The following AP1G2 variants were observed in gnomAD, a reference collection of about 807,000 sequenced individuals.
The protein encoded by AP1G2 is adaptor related protein complex 1 subunit gamma 2, also known as AP-1 complex subunit gamma-like 2.
Under a neutral mutation model 95.8 loss-of-function variants are expected in AP1G2, and 85 were observed. That is an observed-to-expected ratio of 0.89 (90% CI 0.74 to 1.06). AP1G2 has a LOEUF of 1.06. AP1G2 is among the 50% of genes least tolerant of loss of function. The pLI is 0.00. For synonymous variants in AP1G2, 378 were observed against 400.0 expected, an observed-to-expected ratio of 0.94 and a Z score of 0.66; for missense variants, 967 against 1,005.8, an observed-to-expected ratio of 0.96 and a Z score of 0.52.
Position 23,563,200 on chromosome 14 carries a change from C to T in AP1G2, c.1410+180G>A, listed in dbSNP as rs570455445. The T allele has an allele frequency of 4.9e-6, 7 of 1,440,142 alleles. No individual in the cohort carries two copies. The South Asian group carries it at 8.9e-5, about 18-fold the overall frequency. 89.2% of individuals were successfully genotyped at this position (1,440,142 alleles called of 1,614,324 possible). ...CTGTAGTTACATAACCAGGAGGTAC[C>T]AGAGTCAGGACAAAAGCCCAGATGT... is the stretch of plus-strand genomic sequence containing the variant. On this transcript the variant is annotated intron_variant, in intron 14 of 21. Transcript: ENST00000397120.
intron 14 of AP1G2, chr14:23,562,912 TG>T: frequency 1.8e-6 from 1 of 552,518 alleles, no homozygotes; most frequent in Non-Finnish European, 2.8e-6. Context: ...CACTGCCCTC[TG>T]GTGGCCAAGC....
At position 23,562,494 on chromosome 14, in the gene AP1G2, G is replaced by A; in HGVS notation, c.1500+10C>T. ...AGTCCCTCCTCAGTGTACCCCCAAT[G>A]AGGTCTCACCTGAAGGGGCTCAATC... On this transcript the variant is annotated intron_variant, in intron 15 of 21. Transcript: ENST00000397120. 1 of 1,614,160 alleles carries A rather than the reference G, an allele frequency of 6.2e-7. No homozygotes were observed. The highest frequency in any genetic ancestry group is 1.6e-4 in the Middle Eastern group (1 of 6,062).
At chr14:23,566,747 T>A in intron 2 of AP1G2, 61 bp from the exon 3 acceptor site, 1 of 1,590,098 alleles carries the variant, frequency 6.3e-7, no homozygotes, top group South Asian at 1.1e-5. Context: ...CTCACATCCC[T>A]GTTCCATCTT....
Position 23,564,618 on chromosome 14 carries a change from C to T in AP1G2, c.865G>A (p.Val289Ile). The change falls in exon 9 of 22, where the codon GTC (valine) becomes ATC (isoleucine). Residue 289 changes from valine to isoleucine, a missense_variant. Val to Ile is a conservative substitution (Grantham distance 29). Transcript: ENST00000397120. ...TDTSRNAGNA[V>I]LFETVLTIMD... ...ATGGTGAGTACTGTCTCAAACAGGA[C>T]CGCATTTCCGGCATTTCGGCTGGTG... 6.2e-7 allele frequency: 1 copy of T among 1,613,756 alleles called. No homozygotes were observed. Among genetic ancestry groups the T allele is most frequent in the Non-Finnish European group, 8.5e-7 (1 of 1,180,010 alleles).
rs1300745017 is a variant in AP1G2 at position 23,560,310 on chromosome 14, G to A, written c.2102C>T (p.Thr701Ile). Residue 701 changes from threonine to isoleucine, a missense_variant, in exon 20 of 22, where the codon ACC (threonine) becomes ATC (isoleucine). Physicochemically the swap from Thr to Ile is moderately conservative, Grantham distance 89 (BLOSUM62 -1). Coordinates refer to ENST00000397120, the MANE Select transcript of AP1G2 (RefSeq NM_003917.5). ...PALLLITITATNFSEGDVTHF... is the reference protein window; with the variant it reads ...PALLLITITAINFSEGDVTHF... ...GGTGACATCACCCTCTGAGAAGTTG[G>A]TGGCAGTGATGGTGATTAACAGCAA... is the stretch of plus-strand genomic sequence containing the variant. 1 of 1,614,086 alleles carries A rather than the reference G, an allele frequency of 6.2e-7. No individual in the cohort carries two copies. Among genetic ancestry groups the A allele is most frequent in the South Asian group, 1.1e-5 (1 of 91,076 alleles).
chr14:23,567,602 A>AC lies in AP1G2; in HGVS notation c.-6+136dup, dbSNP rs1408310965. The AC allele has an allele frequency of 8.2e-7, 1 of 1,212,230 alleles. No homozygotes were observed. Among genetic ancestry groups the AC allele is most frequent in the East Asian group, 4.0e-5 (1 of 25,082 alleles). The allele number at this position is 1,212,230 out of a possible 1,614,324, so 75.1% of individuals were successfully genotyped here. On this transcript the variant is annotated intron_variant, in intron 1 of 21. Transcript: ENST00000397120. This position sits in a 1 kb window ranked among gnomAD's most constrained non-coding sequence, Gnocchi z 5.3. ...CTACCGTTTCCTCCCCCTACCTGGT[A>AC]CCCCATCCCTAGCTCAGCCATTGCT...
At chr14:23,563,358 C>A in intron 14 of AP1G2, 22 bp downstream of exon 14, 1 of 1,569,344 alleles carries the variant, frequency 6.4e-7, no homozygotes, top group Non-Finnish European at 8.6e-7. Flanking sequence ...CAGCCCTGGG[C>A]CTAGGTAGGT....
rs1308532889 is a variant in AP1G2 at position 23,565,816 on chromosome 14, C to G, written c.645G>C (p.Lys215Asn). The change falls in exon 6 of 22, where the codon AAG becomes AAC. Residue 215 changes from lysine (K) to asparagine (N), a missense_variant and splice_region_variant. Coordinates refer to ENST00000397120, the MANE Select transcript of AP1G2 (RefSeq NM_003917.5). Reference sequence around the variant, plus strand: ...AGGGCCTGCCCCTTCACCAGCCCACCTTTCGGAAGTGCCTGAGGGCTGCAG... The same window carrying G: ...AGGGCCTGCCCCTTCACCAGCCCACGTTTCGGAAGTGCCTGAGGGCTGCAG... ...RSPAALRHFR[K>N]VVPQLVHILR... 1 of 1,583,570 alleles carries G rather than the reference C, an allele frequency of 6.3e-7. No individual in the cohort carries two copies. Among genetic ancestry groups the G allele is most frequent in the Non-Finnish European group, 8.6e-7 (1 of 1,164,214 alleles).
intron 19 of AP1G2, 148 bp downstream of exon 19, chr14:23,561,148 C>G: frequency 7.2e-7 from 1 of 1,393,950 alleles, no homozygotes; most frequent in Non-Finnish European, 9.3e-7. Context: ...CCATGATTGA[C>G]TTCATTCTTT....
At position 23,562,059 on chromosome 14, in the gene AP1G2, G is replaced by A. The variant is rs148282907; in HGVS notation, c.1636C>T (p.Arg546Cys). 2.1e-4 allele frequency: 336 copies of A among 1,613,326 alleles called. 3 individuals are homozygous for A. In the East Asian group the frequency reaches 6.1e-3, roughly 29 times the overall value. ...CTCCCGTAGATGGACACCACCTGGC[G>A]GATGCGGCTGGGCCAGTGTAGTATG... ...TRLCGDNNRI[R>C]QVVSIYGSCL... Residue 546 changes from arginine (R) to cysteine (C), a missense_variant, in exon 17 of 22, where the codon CGC becomes TGC. By Grantham distance (180) the Arg-to-Cys change is radical. Transcript: ENST00000397120.
chr14:23,564,894 C>G, intron 8 of AP1G2: 1 of 632,362 alleles, frequency 1.6e-6, no homozygotes, highest in Non-Finnish European at 2.8e-6. Flanking sequence ...CATCCTTCAA[C>G]CATCCAACAA....
chr14:23,560,429 G>A lies in AP1G2; in HGVS notation c.1994-11C>T. 6.2e-7 allele frequency: 1 copy of A among 1,609,902 alleles called. No individual in the cohort carries two copies. The highest frequency in any genetic ancestry group is 8.5e-7 in the Non-Finnish European group (1 of 1,177,220). On this transcript the variant is annotated splice_polypyrimidine_tract_variant and intron_variant, in intron 19 of 21. Coordinates refer to ENST00000397120, the MANE Select transcript of AP1G2 (RefSeq NM_003917.5). ...GATCTGGGATGGGAGCTGGAGTAGG[G>A]AGACAGAAGCAGCTCAGTGTGCAGG...
chr14:23,564,504 AC>A, intron 9 of AP1G2, 57 bp downstream of exon 9: 4 of 1,601,714 alleles, frequency 2.5e-6, no homozygotes, highest in Non-Finnish European at 3.4e-6. Context: ...AGCAAGCAGG[AC>A]CTGTGTGGGT....
chr14:23,564,667 G>C lies in AP1G2; in HGVS notation c.823-7C>G. Reference sequence around the variant, plus strand: ...TGTCCGTGTTAGTGGCCACCTGAGTGGATGAGAGAGGAGATGTATCTGCTC... The same window carrying C: ...TGTCCGTGTTAGTGGCCACCTGAGTCGATGAGAGAGGAGATGTATCTGCTC... On this transcript the variant is annotated splice_region_variant and splice_polypyrimidine_tract_variant and intron_variant, in intron 8 of 21. Coordinates refer to ENST00000397120, the MANE Select transcript of AP1G2 (RefSeq NM_003917.5). 1 of 1,613,096 alleles carries C rather than the reference G, an allele frequency of 6.2e-7. No individual in the cohort carries two copies. Among genetic ancestry groups the C allele is most frequent in the Non-Finnish European group, 8.5e-7 (1 of 1,179,512 alleles).
In AP1G2 at chr14:23,562,418, T is replaced by C. The variant is rs912172140; in HGVS notation, c.1501-3A>G. The C allele has an allele frequency of 8.1e-6, 13 of 1,614,042 alleles. No individual in the cohort carries two copies. Among genetic ancestry groups the C allele is most frequent in the Non-Finnish European group, 1.1e-5 (13 of 1,180,014 alleles). ...GCCAGCACTTCCTCTTCGTCCACCT[T>C]CAGACATGGATACAGTTAGTGGCCC... On this transcript the variant is annotated splice_region_variant and splice_polypyrimidine_tract_variant and intron_variant, in intron 15 of 21. Coordinates refer to ENST00000397120, the MANE Select transcript of AP1G2 (RefSeq NM_003917.5).
Position 23,565,711 on chromosome 14 carries a change from G to A in AP1G2, c.646-10C>T, listed in dbSNP as rs754641021. 5.0e-6 allele frequency: 8 copies of A among 1,612,902 alleles called. No individual in the cohort carries two copies. Among genetic ancestry groups the A allele is most frequent in the South Asian group, 1.1e-5 (1 of 91,052 alleles). The stretch of plus-strand genomic sequence containing the variant: ...CCAGCTGGGGTACCACCTGGAGGGA[G>A]GGCACAACTTTGGGCATTCGTTCTA... On this transcript the variant is annotated splice_polypyrimidine_tract_variant and intron_variant, in intron 6 of 21. Coordinates refer to ENST00000397120, the MANE Select transcript of AP1G2 (RefSeq NM_003917.5).
chr14:23,563,358 C>G, intron 14 of AP1G2, 22 bp downstream of exon 14: 1 of 1,569,344 alleles, frequency 6.4e-7, no homozygotes, highest in Non-Finnish European at 8.6e-7. Context: ...CAGCCCTGGG[C>G]CTAGGTAGGT....
chr14:23,564,606 T>A lies in AP1G2; in HGVS notation c.877A>T (p.Thr293Ser), dbSNP rs1352872530. Residue 293 changes from threonine to serine, a missense_variant, in exon 9 of 22, where the codon ACA becomes TCA. Transcript: ENST00000397120. ...RNAGNAVLFE[T>S]VLTIMDIRSA... The stretch of plus-strand genomic sequence containing the variant: ...CGGATATCCATGATGGTGAGTACTG[T>A]CTCAAACAGGACCGCATTTCCGGCA... 1.2e-6 allele frequency: 2 copies of A among 1,613,678 alleles called. No homozygotes were observed. The highest frequency in any genetic ancestry group is 1.8e-4 in the Middle Eastern group (1 of 5,676).
At chr14:23,564,293 G>A (rs1886648356) in intron 10 of AP1G2, 40 bp downstream of exon 10, 5 of 1,613,742 alleles carry the variant, frequency 3.1e-6, no homozygotes, top group Non-Finnish European at 4.2e-6. Flanking sequence ...AGGGCCAGGG[G>A]ATCAGTGGCA....
Sources: gnomAD v4.1 joint callset for allele counts on GRCh38, gnomAD v4.1.1 for gene constraint, Gnocchi (gnomAD v3.1) non-coding constraint, MANE v1.5 for transcripts, NCBI Gene and HGNC (gene_info 2026-07-23, HGNC 2026-07-21) for gene names.